Variants in MAD1L1 observed in about 807,000 individuals in gnomAD.
MAD1L1 encodes mitotic arrest deficient 1 like 1.
MAD1L1 carries 95 observed loss-of-function variants against 96.9 expected under a neutral mutation model. The ratio of observed to expected loss-of-function variants is 0.98; its 90% CI spans 0.83 to 1.16. The LOEUF (loss-of-function observed/expected upper bound fraction) is 1.16. MAD1L1 is among the 50% of genes most tolerant of loss of function. The probability of loss-of-function intolerance (pLI) is 0.00; values close to 1 mark genes in which losing one functional copy is unlikely to be tolerated. For missense variants in MAD1L1, 1,007 were observed against 954.4 expected (o/e 1.06, Z -0.73); for synonymous variants, 473 against 396.6 (o/e 1.19, Z -2.29).
chr7:2,069,520 T>C (rs1785028502), intron 11 of MAD1L1, among the ~76,000 whole-genome samples, 182 bp from the exon 12 acceptor site: 2 of 152,166 alleles, frequency 1.3e-5, no homozygotes, highest in Non-Finnish European at 2.9e-5. Flanking sequence ...GTTTCTGGAT[T>C]TCAAATAGAC....
intron 13 of MAD1L1, among the ~76,000 whole-genome samples, chr7:2,002,754 C>T (rs1781855328): frequency 6.6e-6 from 1 of 152,238 alleles, no homozygotes; most frequent in Non-Finnish European, 1.5e-5. Context: ...AGCAGCAAGG[C>T]TGGGTCTGGT....
intron 10 of MAD1L1, among the ~76,000 whole-genome samples, chr7:2,164,903 C>G (rs1790350264): frequency 6.6e-6 from 1 of 152,154 alleles, no homozygotes; most frequent in African/African-American, 2.4e-5. Context: ...GTGACAGTGG[C>G]TTGATCCAGT....
intron 12 of MAD1L1, among the ~76,000 whole-genome samples, chr7:2,063,883 C>T (rs1784768338): frequency 6.6e-6 from 1 of 152,218 alleles, no homozygotes; most frequent in Non-Finnish European, 1.5e-5. Context: ...TCAGCACACA[C>T]AATCCTGCAG....
intron 11 of MAD1L1, among the ~76,000 whole-genome samples, chr7:2,096,877 C>T (rs1786520002): frequency 6.6e-6 from 1 of 152,138 alleles, no homozygotes; most frequent in African/African-American, 2.4e-5. Context: ...TGGGCCCCAC[C>T]CTCATAGCCG....
chr7:1,976,772 T>C (rs147648203), intron 15 of MAD1L1, among the ~76,000 whole-genome samples: 3,313 of 152,304 alleles, frequency 0.022, 68 homozygotes, highest in Non-Finnish European at 0.027. Context: ...AGAGTGCTGA[T>C]TGGTGCATTT....
At chr7:2,026,674 A>C (rs533199467) in intron 12 of MAD1L1, among the ~76,000 whole-genome samples, 34 of 152,202 alleles carry the variant, frequency 2.2e-4, no homozygotes, top group Non-Finnish European at 4.0e-4. Flanking sequence ...GAATTTGAGA[A>C]ATTTGTTTCT....
At chr7:2,079,286 G>A (rs1230284180) in intron 11 of MAD1L1, among the ~76,000 whole-genome samples, 2 of 152,194 alleles carry the variant, frequency 1.3e-5, no homozygotes, top group African/African-American at 4.8e-5. Flanking sequence ...GCTCAGCGTG[G>A]CACGCAGCTG....
chr7:1,975,426 G>C (rs557042651), intron 15 of MAD1L1, among the ~76,000 whole-genome samples: 1 of 152,282 alleles, frequency 6.6e-6, no homozygotes, highest in East Asian at 1.9e-4. Context: ...GAACAGGACA[G>C]AACCAGGGAA....
At chr7:1,844,694 G>A (rs1469111709) in intron 18 of MAD1L1, among the ~76,000 whole-genome samples, 1 of 152,208 alleles carries the variant, frequency 6.6e-6, no homozygotes, top group Non-Finnish European at 1.5e-5. Context: ...CTTCCCCCAG[G>A]ACATCCTGCT....
intron 11 of MAD1L1, among the ~76,000 whole-genome samples, chr7:2,140,149 G>A (rs969279058): frequency 2.0e-5 from 3 of 152,184 alleles, no homozygotes; most frequent in African/African-American, 7.2e-5. Flanking sequence ...AGCCCAGGTG[G>A]CCCCTGCAGA....
At chr7:1,973,924 G>A (rs1028712569) in intron 15 of MAD1L1, among the ~76,000 whole-genome samples, 13 of 152,214 alleles carry the variant, frequency 8.5e-5, no homozygotes, top group African/African-American at 2.4e-4. Context: ...GAGCAGTGCC[G>A]GCTGCTGAAG....
At chr7:1,956,583 G>A (rs572981841) in intron 16 of MAD1L1, among the ~76,000 whole-genome samples, 2 of 152,348 alleles carry the variant, frequency 1.3e-5, no homozygotes, top group South Asian at 4.1e-4. Context: ...CCTAGGGGCA[G>A]AGCCCCCACC....
chr7:2,146,780 C>T lies in MAD1L1; in HGVS notation c.1073+2372G>A, dbSNP rs938262890. On this transcript the variant is annotated intron_variant, in intron 11 of 18. Coordinates refer to ENST00000265854, the MANE Select transcript of MAD1L1 (RefSeq NM_001013836.2). The surrounding 1 kb of genome is among the most constrained non-coding windows in gnomAD (Gnocchi z 6.2). ...CCTTCACGCTCATCTGAATTTCTGT[C>T]CAACTGCCTGTAAGAGACTTGTAGA... Among the ~76,000 whole-genome samples, 1 of 152,252 alleles carries T rather than the reference C, an allele frequency of 6.6e-6. No homozygotes were observed. Among genetic ancestry groups the T allele is most frequent in the African/African-American group, 2.4e-5 (1 of 41,460 alleles).
At chr7:1,985,653 G>A (rs1399394709) in intron 14 of MAD1L1, among the ~76,000 whole-genome samples, 1 of 152,204 alleles carries the variant, frequency 6.6e-6, no homozygotes, top group African/African-American at 2.4e-5. Context: ...TACATGACAT[G>A]TAGCACTTAC....
intron 17 of MAD1L1, among the ~76,000 whole-genome samples, chr7:1,928,365 A>G (rs562429644): frequency 6.6e-6 from 1 of 150,476 alleles, no homozygotes; most frequent in East Asian, 2.0e-4. Flanking sequence ...CACGCCAGAC[A>G]CTGCTCCCCA....
At chr7:1,910,768 G>C (rs943635904) in intron 17 of MAD1L1, among the ~76,000 whole-genome samples, 1 of 152,134 alleles carries the variant, frequency 6.6e-6, no homozygotes, top group Admixed American at 6.5e-5. Context: ...ACGCAGCCTC[G>C]CTGCACCCAT....
intron 18 of MAD1L1, among the ~76,000 whole-genome samples, chr7:1,883,678 C>T (rs936230264): frequency 1.3e-5 from 2 of 152,300 alleles, no homozygotes; most frequent in African/African-American, 2.4e-5. Context: ...TGGCTGGGGT[C>T]GCGGGGTCCA....
chr7:2,102,302 C>CGCT, intron 11 of MAD1L1, among the ~76,000 whole-genome samples: 2 of 77,062 alleles, frequency 2.6e-5, no homozygotes, highest in Non-Finnish European at 7.8e-5. Context: ...CTGTCACCAT[C>CGCT]ACCACCGTCA....
At chr7:1,891,461 G>C (rs1475322416) in intron 18 of MAD1L1, among the ~76,000 whole-genome samples, 2 of 152,180 alleles carry the variant, frequency 1.3e-5, no homozygotes, top group Non-Finnish European at 2.9e-5. Context: ...GGGAGGCAGA[G>C]GTTGCAGTGA....
Sources: gnomAD v4.1 joint callset for allele counts (sites outside exome capture counted in the v4.1 genomes callset) on GRCh38, gnomAD v4.1.1 for gene constraint, Gnocchi (gnomAD v3.1) non-coding constraint, MANE v1.5 for transcripts, NCBI Gene and HGNC (gene_info 2026-07-23, HGNC 2026-07-21) for gene names.